Variants in CNGA2 observed in about 807,000 individuals in gnomAD.
The protein encoded by CNGA2 is cyclic nucleotide gated channel subunit alpha 2.
A neutral mutation model predicts 35.9 loss-of-function variants in CNGA2; 22 were observed. The observed-to-expected ratio is 0.61, with a 90% CI of 0.44 to 0.88. CNGA2 has a LOEUF of 0.88. CNGA2 is among the 40% of genes least tolerant of loss of function. CNGA2 has a pLI of 0.00. For missense variants in CNGA2, 555 were observed against 530.8 expected (o/e 1.05, Z -0.45); for synonymous variants, 217 against 209.2 (o/e 1.04, Z -0.32).
At position 151,740,025 on chromosome X, in the gene CNGA2, A is replaced by G. The variant is rs555750192; in HGVS notation, c.374+293A>G. Among the ~76,000 whole-genome samples, 6 of 112,417 alleles carry G rather than the reference A, an allele frequency of 5.3e-5. No individual in the cohort carries two copies. The East Asian group carries it at 1.7e-3, about 32-fold the overall frequency. On this transcript the variant is annotated intron_variant, in intron 4 of 6. Transcript: ENST00000329903. The stretch of plus-strand genomic sequence containing the variant: ...ATAGCCCAGTTCCAGTGGTCAGGAA[A>G]TACTGAGAGGGTGCATTCAGGGAGT...
intron 3 of CNGA2, among the ~76,000 whole-genome samples, chrX:151,739,138 G>A (rs758842264): frequency 8.9e-6 from 1 of 112,743 alleles, no homozygotes; most frequent in Non-Finnish European, 1.9e-5. Context: ...CTTCCCGGTA[G>A]AGAGACCTAG....
In CNGA2 at chrX:151,738,517, C is replaced by T. The variant is rs761937144; in HGVS notation, c.34C>T (p.Pro12Ser). Residue 12 changes from proline to serine, a missense_variant, in exon 2 of 7, where the codon CCA becomes TCA. Physicochemically the swap from Pro to Ser is moderately conservative, Grantham distance 74. Coordinates refer to ENST00000329903, the MANE Select transcript of CNGA2 (RefSeq NM_005140.3). Reference protein sequence around the residue: ...TEKTNGVKSSPANNHNHHAPP... With the variant: ...TEKTNGVKSSSANNHNHHAPP... ...AAAAACCAATGGTGTGAAGAGCTCC[C>T]CAGCCAATAATCACAACCATCATGC... 26 of 1,209,661 alleles carry T rather than the reference C, an allele frequency of 2.1e-5. No homozygotes were observed. The East Asian group carries it at 7.7e-4, about 36-fold the overall frequency.
intron 1 of CNGA2, 147 bp from the exon 2 acceptor site, chrX:151,738,311 T>C: frequency 9.0e-6 from 4 of 445,414 alleles, no homozygotes; most frequent in South Asian, 7.4e-5. Context: ...TGAATCCCAC[T>C]GCCCTGACTG....
In CNGA2 at chrX:151,743,137, C is replaced by G; in HGVS notation, c.634C>G (p.Arg212Gly). Residue 212 changes from arginine (R) to glycine (G), a missense_variant, in exon 7 of 7, where the codon CGA becomes GGA. By Grantham distance (125) the Arg-to-Gly change is moderately radical. Coordinates refer to ENST00000329903, the MANE Select transcript of CNGA2 (RefSeq NM_005140.3). Reference protein sequence around the residue: ...GLLVKDTKKLRDNYIHTLQFK... With the variant: ...GLLVKDTKKLGDNYIHTLQFK... Reference sequence around the variant, plus strand: ...GCTGGTCAAAGATACCAAGAAACTGCGAGACAACTACATCCACACCCTGCA... The same window carrying G: ...GCTGGTCAAAGATACCAAGAAACTGGGAGACAACTACATCCACACCCTGCA... 2.5e-6 allele frequency: 3 copies of G among 1,196,350 alleles called. No individual in the cohort carries two copies. The highest frequency in any genetic ancestry group is 3.4e-6 in the Non-Finnish European group (3 of 888,130).
In CNGA2 at chrX:151,744,453, T is replaced by C. The variant is rs2015354863; in HGVS notation, c.1950T>C (p.Ser650=). The C allele has an allele frequency of 3.3e-6, 4 of 1,197,555 alleles. No individual in the cohort carries two copies. The highest frequency in any genetic ancestry group is 4.5e-6 in the Non-Finnish European group (4 of 887,971). Residue 650 remains serine (S), a synonymous_variant, in exon 7 of 7, where the codon TCT becomes TCC. Coordinates refer to ENST00000329903, the MANE Select transcript of CNGA2 (RefSeq NM_005140.3). ...MKQNNEDDYL[S]DGMNSPELAA... The stretch of plus-strand genomic sequence containing the variant: ...AGAACAATGAAGATGACTACCTGTC[T>C]GATGGGATGAACAGCCCTGAGCTGG...
chrX:151,742,954 A>ATG (rs1190727615), intron 6 of CNGA2, 139 bp from the exon 7 acceptor site: 16 of 71,388 alleles, frequency 2.2e-4, no homozygotes, highest in Admixed American at 3.1e-4. Flanking sequence ...ATATGTATAT[A>ATG]TATATGTATA....
rs1056837271 is a variant in CNGA2 at position 151,740,966 on chromosome X, G to A, written c.482+65G>A. The A allele has an allele frequency of 4.9e-6, 4 of 824,504 alleles. No homozygotes were observed. In the African/African-American group the frequency reaches 6.0e-5, roughly 12 times the overall value. 67.9% of individuals were successfully genotyped at this position (824,504 alleles called of 1,213,427 possible). On this transcript the variant is annotated intron_variant, in intron 5 of 6. Coordinates refer to ENST00000329903, the MANE Select transcript of CNGA2 (RefSeq NM_005140.3). ...CCAGTCTTCAGACCCCGGGATTGAC[G>A]GCGCAGCAGTCCCTGGATACCAATG... is the stretch of plus-strand genomic sequence containing the variant.
intron 1 of CNGA2, among the ~76,000 whole-genome samples, chrX:151,737,469 C>T (rs1306919252): frequency 8.9e-6 from 1 of 111,906 alleles, no homozygotes; most frequent in Non-Finnish European, 1.9e-5. Context: ...TGTGATCCCA[C>T]CCACTCTCTC....
Position 151,743,762 on chromosome X carries a change from A to T in CNGA2, c.1259A>T (p.Lys420Met). The change falls in exon 7 of 7, where the codon AAG becomes ATG. Residue 420 changes from lysine (K) to methionine (M), a missense_variant. Coordinates refer to ENST00000329903, the MANE Select transcript of CNGA2 (RefSeq NM_005140.3). ...IRWFDYLWTN[K>M]KTVDEREILK... Reference sequence around the variant, plus strand: ...TGGTTTGACTACTTGTGGACCAATAAGAAGACAGTGGATGAGCGAGAAATT... The same window carrying T: ...TGGTTTGACTACTTGTGGACCAATATGAAGACAGTGGATGAGCGAGAAATT... 1 of 1,211,889 alleles carries T rather than the reference A, an allele frequency of 8.3e-7. No individual in the cohort carries two copies. The highest frequency in any genetic ancestry group is 1.1e-6 in the Non-Finnish European group (1 of 895,580).
rs192213105 is a variant in CNGA2, at chrX:151,737,817, C to T, written c.-26-641C>T. Among the ~76,000 whole-genome samples the T allele has an allele frequency of 5.3e-3, 569 of 107,797 alleles. 4 individuals are homozygous for T. The highest frequency in any genetic ancestry group is 0.017 in the African/African-American group (508 of 29,742). The allele number at this position is 107,797 out of a possible 115,157, so 93.6% of individuals were successfully genotyped here. On this transcript the variant is annotated intron_variant, in intron 1 of 6. Coordinates refer to ENST00000329903, the MANE Select transcript of CNGA2 (RefSeq NM_005140.3). ...GATGTCTGGCACATGCTTAAGCTGCCGAGCAGCTCCAAGGCAGCCACTGCC... is the reference window on the plus strand; with the variant it reads ...GATGTCTGGCACATGCTTAAGCTGCTGAGCAGCTCCAAGGCAGCCACTGCC...
In CNGA2 at chrX:151,738,778, T is replaced by A; in HGVS notation, c.111-9T>A. On this transcript the variant is annotated splice_polypyrimidine_tract_variant and intron_variant, in intron 2 of 6. Transcript: ENST00000329903. ...GAACCCTGGGTCAATTCTGCTCTTTTTTCTGCAGGCCACACTCTGCAGCTG... is the reference window on the plus strand; with the variant it reads ...GAACCCTGGGTCAATTCTGCTCTTTATTCTGCAGGCCACACTCTGCAGCTG... 1 of 1,161,597 alleles carries A rather than the reference T, an allele frequency of 8.6e-7. No individual in the cohort carries two copies. Among genetic ancestry groups the A allele is most frequent in the Non-Finnish European group, 1.2e-6 (1 of 868,026 alleles).
chrX:151,741,039 G>A, intron 5 of CNGA2, 138 bp downstream of exon 5: 2 of 482,857 alleles, frequency 4.1e-6, no homozygotes, highest in African/African-American at 2.3e-5. Flanking sequence ...CATTTAATAT[G>A]CCATGAAGAT....
At position 151,743,566 on chromosome X, in the gene CNGA2, T is replaced by C. The variant is rs2015339737; in HGVS notation, c.1063T>C (p.Phe355Leu). 1 of 1,209,328 alleles carries C rather than the reference T, an allele frequency of 8.3e-7. No individual in the cohort carries two copies. The highest frequency in any genetic ancestry group is 2.2e-5 in the Admixed American group (1 of 45,623). The change falls in exon 7 of 7, where the codon TTT becomes CTT. Residue 355 changes from phenylalanine to leucine, a missense_variant. Transcript: ENST00000329903. Reference protein sequence around the residue: ...VKDEEYLFVIFDFLIGVLIFA... With the variant: ...VKDEEYLFVILDFLIGVLIFA... The stretch of plus-strand genomic sequence containing the variant: ...GGATGAGGAGTACCTATTTGTCATC[T>C]TTGACTTCCTGATTGGCGTCCTCAT...
rs2015357708 is a variant in CNGA2, at chrX:151,744,627, G to A, written c.*129G>A. On this transcript the variant is annotated 3_prime_UTR_variant, in exon 7 of 7. Coordinates refer to ENST00000329903, the MANE Select transcript of CNGA2 (RefSeq NM_005140.3). ...CCTGAATTCTCCCAAAAGCCTCTCT[G>A]ACCCTGGGTTTTTGGCCTAAACATC... The A allele has an allele frequency of 1.6e-6, 1 of 615,646 alleles. No individual in the cohort carries two copies. The highest frequency in any genetic ancestry group is 2.4e-6 in the Non-Finnish European group (1 of 418,089). 50.7% of individuals were successfully genotyped at this position (615,646 alleles called of 1,213,427 possible). A position where few individuals can be genotyped will look rare whatever the true frequency, so the allele number is the denominator to read the frequency against.
Position 151,745,473 on chromosome X carries a change from G to A in CNGA2, c.*975G>A, listed in dbSNP as rs1463407780. Reference sequence around the variant, plus strand: ...CAAGTCCCTGATACAAAATGACGTCGTATTTGAATATAACCTATGCACATC... The same window carrying A: ...CAAGTCCCTGATACAAAATGACGTCATATTTGAATATAACCTATGCACATC... On this transcript the variant is annotated 3_prime_UTR_variant, in exon 7 of 7. Coordinates refer to ENST00000329903, the MANE Select transcript of CNGA2 (RefSeq NM_005140.3). Among the ~76,000 whole-genome samples the A allele has an allele frequency of 9.0e-6, 1 of 111,559 alleles. No homozygotes were observed. Among genetic ancestry groups the A allele is most frequent in the Non-Finnish European group, 1.9e-5 (1 of 53,148 alleles).
chrX:151,736,137 C>T (rs763791042), intron 1 of CNGA2, among the ~76,000 whole-genome samples: 1 of 112,091 alleles, frequency 8.9e-6, no homozygotes, highest in Admixed American at 9.4e-5. Flanking sequence ...CACCCAGCCC[C>T]TCAGCTGTCT....
Position 151,740,873 on chromosome X carries a change from C to A in CNGA2, c.454C>A (p.Leu152Ile). ...CWLFVIAMPV[L>I]YNWCLLVARA... The stretch of plus-strand genomic sequence containing the variant: ...GCTATTTGTCATTGCCATGCCCGTC[C>A]TTTACAACTGGTGCCTGCTGGTGGC... Residue 152 changes from leucine to isoleucine, a missense_variant, in exon 5 of 7, where the codon CTT (leucine) becomes ATT (isoleucine). Transcript: ENST00000329903. The A allele has an allele frequency of 1.7e-6, 2 of 1,210,767 alleles. No individual in the cohort carries two copies. The highest frequency in any genetic ancestry group is 2.2e-6 in the Non-Finnish European group (2 of 894,739).
chrX:151,740,174 G>A (rs1263350703), intron 4 of CNGA2, among the ~76,000 whole-genome samples: 1 of 112,350 alleles, frequency 8.9e-6, no homozygotes, highest in Non-Finnish European at 1.9e-5. Flanking sequence ...GGAGGGCAGA[G>A]AAGGCAGAGC....
At chrX:151,738,939 C>A in intron 3 of CNGA2, 60 bp downstream of exon 3, 1 of 944,297 alleles carries the variant, frequency 1.1e-6, no homozygotes. Flanking sequence ...GTCAGGGTGG[C>A]TACCACTGCC....
Sources: gnomAD v4.1 joint callset for allele counts (sites outside exome capture counted in the v4.1 genomes callset) on GRCh38, gnomAD v4.1.1 for gene constraint, MANE v1.5 for transcripts, NCBI Gene and HGNC (gene_info 2026-07-23, HGNC 2026-07-21) for gene names.